GPC6: variants seen among roughly 807,000 people sequenced by gnomAD.
GPC6 encodes glypican 6.
GPC6 carries 14 observed loss-of-function variants against 55.2 expected under a neutral mutation model. The observed-to-expected ratio is 0.25, with a 90% CI of 0.17 to 0.40. The LOEUF (loss-of-function observed/expected upper bound fraction) is 0.40. GPC6 is among the 10% of genes least tolerant of loss of function. The probability of loss-of-function intolerance (pLI) is 1.00; values close to 1 mark genes in which losing one functional copy is unlikely to be tolerated. For synonymous variants in GPC6, 278 were observed against 259.6 expected (o/e 1.07, Z -0.68); for missense variants, 641 against 708.5 (o/e 0.90, Z 1.08).
rs150082836 is a variant in GPC6, at chr13:93,273,785, C to T, written c.160+46169C>T. Among the ~76,000 whole-genome samples the T allele has an allele frequency of 1.7e-3, 252 of 152,096 alleles. 4 individuals are homozygous for T. The East Asian group carries it at 0.04, about 24-fold the overall frequency. On this transcript the variant is annotated intron_variant, in intron 1 of 8. Transcript: ENST00000377047. ...CCTTTAAGATCAACTGATTGATTGC[C>T]TCATTTTTATTTTTTATTTTTTTAT...
chr13:93,285,638 G>GTGTGTGTGTGTGTGTGTA (rs1878095730), intron 1 of GPC6, among the ~76,000 whole-genome samples: 4 of 150,672 alleles, frequency 2.7e-5, no homozygotes, highest in African/African-American at 9.8e-5. Context: ...GTGTGTGTGT[G>GTGTGTGTGTGTGTGTGTA]TGTGTGTGTG....
At position 93,800,246 on chromosome 13, in the gene GPC6, C is replaced by G. The variant is rs1259911381; in HGVS notation, c.320-29908C>G. ...CATGAGTTATATATTAGTTTTTAAA[C>G]TGCATCTTATGTGTCATTGCTACCA... is the stretch of plus-strand genomic sequence containing the variant. On this transcript the variant is annotated intron_variant, in intron 2 of 8. Coordinates refer to ENST00000377047, the MANE Select transcript of GPC6 (RefSeq NM_005708.5). Among the ~76,000 whole-genome samples the G allele has an allele frequency of 2.0e-5, 3 of 152,154 alleles. No homozygotes were observed. In the East Asian group the frequency reaches 5.8e-4, roughly 29 times the overall value.
intron 3 of GPC6, among the ~76,000 whole-genome samples, chr13:93,849,877 G>T (rs376757610): frequency 4.6e-5 from 7 of 152,032 alleles, no homozygotes; most frequent in African/African-American, 1.7e-4. Context: ...TTTTTACCGT[G>T]AATTATTAGA....
At chr13:93,311,069 A>G (rs1879049345) in intron 1 of GPC6, among the ~76,000 whole-genome samples, 1 of 152,210 alleles carries the variant, frequency 6.6e-6, no homozygotes. Context: ...CCATTGTGTC[A>G]TCACTGCCTG....
intron 1 of GPC6, among the ~76,000 whole-genome samples, chr13:93,249,911 A>G (rs1431015043): frequency 6.6e-6 from 1 of 152,166 alleles, no homozygotes; most frequent in Non-Finnish European, 1.5e-5. Flanking sequence ...TCTTGCTCAT[A>G]TAACCTGTGT....
At position 93,227,336 on chromosome 13, in the gene GPC6, G is replaced by T. The variant is rs570174024; in HGVS notation, c.-121G>T. ...TGCTCGTCCCCTCGGCTGGCAGAAG[G>T]GGGTGACGCTGGGCAGCGGCGAGGA... On this transcript the variant is annotated 5_prime_UTR_variant, in exon 1 of 9. Coordinates refer to ENST00000377047, the MANE Select transcript of GPC6 (RefSeq NM_005708.5). The surrounding 1 kb of genome is among the most constrained non-coding windows in gnomAD (Gnocchi z 4.3). 4 of 934,974 alleles carry T rather than the reference G, an allele frequency of 4.3e-6. No individual in the cohort carries two copies. Among genetic ancestry groups the T allele is most frequent in the Non-Finnish European group, 6.6e-6 (4 of 607,682 alleles). 57.9% of individuals were successfully genotyped at this position (934,974 alleles called of 1,614,324 possible).
chr13:93,385,771 T>G (rs927671294), intron 1 of GPC6, among the ~76,000 whole-genome samples: 1 of 152,154 alleles, frequency 6.6e-6, no homozygotes, highest in Non-Finnish European at 1.5e-5. Flanking sequence ...GTAATTATAG[T>G]TTACATAGTA....
chr13:93,511,418 AT>A (rs750084668), intron 1 of GPC6, among the ~76,000 whole-genome samples: 1 of 144,186 alleles, frequency 6.9e-6, no homozygotes, highest in Non-Finnish European at 1.5e-5. Flanking sequence ...CAATTTTCCC[AT>A]TTATTGAAGG....
chr13:93,852,338 A>G (rs145128543), intron 3 of GPC6, among the ~76,000 whole-genome samples: 144 of 151,872 alleles, frequency 9.5e-4, no homozygotes, highest in African/African-American at 3.4e-3. Context: ...GGCTGAATCA[A>G]TAAAGTTCAG....
At chr13:94,039,210 A>C (rs1353766506) in intron 4 of GPC6, among the ~76,000 whole-genome samples, 1 of 152,004 alleles carries the variant, frequency 6.6e-6, no homozygotes, top group Non-Finnish European at 1.5e-5. Context: ...TTTAAAAGTC[A>C]GGCCAAATAC....
At chr13:93,252,611 C>T (rs1876824124) in intron 1 of GPC6, among the ~76,000 whole-genome samples, 1 of 152,116 alleles carries the variant, frequency 6.6e-6, no homozygotes, top group South Asian at 2.1e-4. Flanking sequence ...TATTAGGTAA[C>T]TAATCCACTT....
chr13:94,223,018 A>C (rs186919082), intron 4 of GPC6, among the ~76,000 whole-genome samples: 1 of 152,298 alleles, frequency 6.6e-6, no homozygotes, highest in East Asian at 1.9e-4. Flanking sequence ...AAAATGAAGT[A>C]AATTTGGGAA....
intron 6 of GPC6, among the ~76,000 whole-genome samples, chr13:94,362,490 T>C (rs1339354745): frequency 6.6e-6 from 1 of 152,064 alleles, no homozygotes; most frequent in Non-Finnish European, 1.5e-5. Flanking sequence ...GGGTTGTCAG[T>C]TTTATATGCA....
At chr13:93,371,789 C>A (rs891071480) in intron 1 of GPC6, among the ~76,000 whole-genome samples, 182 of 151,986 alleles carry the variant, frequency 1.2e-3, no homozygotes, top group African/African-American at 4.0e-3. Context: ...TTAAAAAAAA[C>A]AAAAGCTAAT....
At chr13:94,181,784 A>G (rs947358205) in intron 4 of GPC6, among the ~76,000 whole-genome samples, 2 of 152,226 alleles carry the variant, frequency 1.3e-5, no homozygotes, top group Non-Finnish European at 2.9e-5. Context: ...TGCATCTGCC[A>G]CATTTTTGAC....
At chr13:93,223,869 A>G (rs992726931), upstream of GPC6, among the ~76,000 whole-genome samples, 2 of 145,656 alleles carry the variant, frequency 1.4e-5, no homozygotes, top group African/African-American at 5.1e-5. Flanking sequence ...TATTCTAGGT[A>G]TCCGTTTACC....
chr13:93,469,849 A>G lies in GPC6; in HGVS notation c.161-75414A>G, dbSNP rs189704827. Among the ~76,000 whole-genome samples, 6 of 152,258 alleles carry G rather than the reference A, an allele frequency of 3.9e-5. No individual in the cohort carries two copies. The East Asian group carries it at 9.7e-4, about 25-fold the overall frequency. On this transcript the variant is annotated intron_variant, in intron 1 of 8. Coordinates refer to ENST00000377047, the MANE Select transcript of GPC6 (RefSeq NM_005708.5). The stretch of plus-strand genomic sequence containing the variant: ...GTTCTGCATGTGGATGTTGAATGGT[A>G]TGAACACCATTTACTGAAAAGGGAA...
chr13:93,638,234 T>C (rs1879776148), intron 2 of GPC6, among the ~76,000 whole-genome samples: 1 of 152,164 alleles, frequency 6.6e-6, no homozygotes, highest in Non-Finnish European at 1.5e-5. Flanking sequence ...TTTAGTGATA[T>C]GACATTTGGT....
intron 4 of GPC6, among the ~76,000 whole-genome samples, chr13:94,261,199 C>T (rs1891646794): frequency 6.6e-6 from 1 of 152,112 alleles, no homozygotes; most frequent in Admixed American, 6.6e-5. Context: ...CACTTGAACC[C>T]AGGGGGCGGA....
Sources: gnomAD v4.1 joint callset for allele counts (sites outside exome capture counted in the v4.1 genomes callset) on GRCh38, gnomAD v4.1.1 for gene constraint, Gnocchi (gnomAD v3.1) non-coding constraint, MANE v1.5 for transcripts, NCBI Gene and HGNC (gene_info 2026-07-23, HGNC 2026-07-21) for gene names.